Variants in IMMT observed in about 807,000 individuals in gnomAD.
IMMT encodes inner membrane mitochondrial protein, also known as MICOS complex subunit MIC60.
In IMMT, 40 loss-of-function variants were observed where a neutral mutation model predicts 92.7. The ratio of observed to expected loss-of-function variants is 0.43; its 90% CI spans 0.34 to 0.56. The LOEUF is 0.56. Among genes scored for constraint, IMMT ranks in the 20% least tolerant of loss-of-function variants. The probability of loss-of-function intolerance (pLI) is 0.03; values close to 1 mark genes in which losing one functional copy is unlikely to be tolerated. For missense variants in IMMT, 831 were observed against 912.1 expected, an observed-to-expected ratio of 0.91 and a Z score of 1.14; for synonymous variants, 322 against 336.1, an observed-to-expected ratio of 0.96 and a Z score of 0.46.
chr2:86,153,516 C>A (rs766888302), intron 11 of IMMT, 44 bp downstream of exon 11: 3 of 1,241,318 alleles, frequency 2.4e-6, no homozygotes, highest in African/African-American at 1.6e-5. Context: ...TCTCTTAATA[C>A]CCAAAACAAA....
chr2:86,185,226 T>C (rs946184202), intron 1 of IMMT, among the ~76,000 whole-genome samples: 1 of 151,606 alleles, frequency 6.6e-6, no homozygotes, highest in African/African-American at 2.4e-5. Context: ...CGCTAACTGG[T>C]TTCTTTTAGC....
intron 10 of IMMT, 178 bp downstream of exon 10, chr2:86,158,414 A>C (rs993361905): frequency 6.5e-6 from 3 of 459,766 alleles, no homozygotes; most frequent in Non-Finnish European, 4.0e-6. Flanking sequence ...TAAAACTACA[A>C]GAGTAGTGTT....
rs192939910 is a variant in IMMT, at chr2:86,146,521, T to C, written c.1534-324A>G. The stretch of plus-strand genomic sequence containing the variant: ...AAGTAGCTGGGATTACAGGCATGCA[T>C]CACCATGCCAATTATTGTATTTTTA... On this transcript the variant is annotated intron_variant, in intron 13 of 14. Transcript: ENST00000410111. Among the ~76,000 whole-genome samples the C allele has an allele frequency of 7.4e-4, 110 of 149,308 alleles. No homozygotes were observed. In the East Asian group the frequency reaches 0.018, roughly 24 times the overall value.
At chr2:86,169,247 G>T (rs1262563096) in intron 6 of IMMT, among the ~76,000 whole-genome samples, 1 of 152,084 alleles carries the variant, frequency 6.6e-6, no homozygotes, top group Non-Finnish European at 1.5e-5. Context: ...AAGTGATAAA[G>T]AGAGAAAAGT....
At chr2:86,150,616 G>A (rs1285840841) in intron 12 of IMMT, among the ~76,000 whole-genome samples, 6 of 152,178 alleles carry the variant, frequency 3.9e-5, no homozygotes, top group Non-Finnish European at 8.8e-5. Flanking sequence ...TATTTCACCT[G>A]TTTTTTAACC....
intron 7 of IMMT, among the ~76,000 whole-genome samples, chr2:86,162,508 T>TC (rs936018467): frequency 4.0e-5 from 6 of 151,550 alleles, no homozygotes; most frequent in Middle Eastern, 3.2e-3. Flanking sequence ...GTCAAAAACC[T>TC]CCCTTGAGGT....
intron 1 of IMMT, 53 bp downstream of exon 1, chr2:86,195,285 C>G: frequency 6.8e-7 from 1 of 1,464,490 alleles, no homozygotes. Flanking sequence ...CCGTTTTTCG[C>G]TGACGGTTCT....
rs942090972 is a variant in IMMT, at chr2:86,159,689, A to G, written c.897-18T>C. 5 of 1,529,718 alleles carry G rather than the reference A, an allele frequency of 3.3e-6. No individual in the cohort carries two copies. In the African/African-American group the frequency reaches 5.6e-5, roughly 17 times the overall value. 94.8% of individuals were successfully genotyped at this position (1,529,718 alleles called of 1,614,324 possible). A position where few individuals can be genotyped will look rare whatever the true frequency, so the allele number is the denominator to read the frequency against. On this transcript the variant is annotated intron_variant, in intron 8 of 14. Coordinates refer to ENST00000410111, the MANE Select transcript of IMMT (RefSeq NM_006839.3). Reference sequence around the variant, plus strand: ...ACTCTTCTCTGGAAACCAACAAAACAAAGATTTAATATAACTTCTTGTCAA... The same window carrying G: ...ACTCTTCTCTGGAAACCAACAAAACGAAGATTTAATATAACTTCTTGTCAA...
intron 7 of IMMT, among the ~76,000 whole-genome samples, chr2:86,166,248 T>C (rs1241540159): frequency 6.6e-6 from 1 of 152,090 alleles, no homozygotes; most frequent in Non-Finnish European, 1.5e-5. Flanking sequence ...GGAGAATCGC[T>C]TGAACCTGGG....
rs774889817 is a variant in IMMT at position 86,168,139 on chromosome 2, G to A, written c.656-1495C>T. Among the ~76,000 whole-genome samples, 39 of 152,324 alleles carry A rather than the reference G, an allele frequency of 2.6e-4. 1 individual carries two copies. Among genetic ancestry groups the A allele is most frequent in the Admixed American group, 7.2e-4 (11 of 15,296 alleles). On this transcript the variant is annotated intron_variant, in intron 6 of 14. Coordinates refer to ENST00000410111, the MANE Select transcript of IMMT (RefSeq NM_006839.3). The stretch of plus-strand genomic sequence containing the variant: ...ACCCAAAGGCAACTTGAAATGGACA[G>A]TGTTCTTCCATAAAAGGACTCAAGA...
chr2:86,195,113 C>A lies in IMMT; in HGVS notation c.45+225G>T, dbSNP rs1673443419. 9 of 453,138 alleles carry A rather than the reference C, an allele frequency of 2.0e-5. No individual in the cohort carries two copies. The South Asian group carries it at 4.7e-4, about 23-fold the overall frequency. The allele number at this position is 453,138 out of a possible 1,614,324, so 28.1% of individuals were successfully genotyped here. ...CTACATGCCCACGAAGCCGCGCCTC[C>A]CGCTACTCTCCACACCCCACCCCGC... On this transcript the variant is annotated intron_variant, in intron 1 of 14. Transcript: ENST00000410111.
chr2:86,174,545 T>A (rs938599939), intron 3 of IMMT, among the ~76,000 whole-genome samples: 10 of 152,218 alleles, frequency 6.6e-5, no homozygotes. Flanking sequence ...AATGCCAAGA[T>A]ATATCAGTGG....
chr2:86,172,890 A>G lies in IMMT; in HGVS notation c.421+760T>C, dbSNP rs139410656. On this transcript the variant is annotated intron_variant, in intron 4 of 14. Coordinates refer to ENST00000410111, the MANE Select transcript of IMMT (RefSeq NM_006839.3). ...ACCCCTTCCAGGTAAGGTATTCCTT[A>G]CACATTCCATTTAAAACTGCAGTAT... Among the ~76,000 whole-genome samples the G allele has an allele frequency of 9.3e-4, 142 of 152,232 alleles. 1 individual carries two copies. The highest frequency in any genetic ancestry group is 3.0e-3 in the African/African-American group (125 of 41,536).
chr2:86,195,454 T>TGCGTGTGTGCGTGCCC lies in IMMT; in HGVS notation c.-73_-72insGGGCACGCACACACGC. Reference sequence around the variant, plus strand: ...GGCGCGAGTTAAGTGGAGGCGTGCTTGCGTGTGTGCGTGCCCGCGTCCGCG... The same window carrying TGCGTGTGTGCGTGCCC: ...GGCGCGAGTTAAGTGGAGGCGTGCTTGCGTGTGTGCGTGCCCGCGTGTGTGCGTGCCCGCGTCCGCG... On this transcript the variant is annotated 5_prime_UTR_variant, in exon 1 of 15. Coordinates refer to ENST00000410111, the MANE Select transcript of IMMT (RefSeq NM_006839.3). The TGCGTGTGTGCGTGCCC allele has an allele frequency of 6.8e-7, 1 of 1,474,148 alleles. No individual in the cohort carries two copies. The highest frequency in any genetic ancestry group is 1.3e-5 in the South Asian group (1 of 77,736). The allele number at this position is 1,474,148 out of a possible 1,614,324, so 91.3% of individuals were successfully genotyped here.
At chr2:86,187,366 T>C (rs1047873516) in intron 1 of IMMT, among the ~76,000 whole-genome samples, 3 of 152,264 alleles carry the variant, frequency 2.0e-5, no homozygotes, top group African/African-American at 7.2e-5. Flanking sequence ...TCATTCACAT[T>C]GTAACATGTA....
intron 4 of IMMT, among the ~76,000 whole-genome samples, chr2:86,172,843 C>T (rs1269404313): frequency 2.0e-5 from 3 of 152,282 alleles, no homozygotes; most frequent in Middle Eastern, 3.4e-3. Context: ...CCCCTTATCT[C>T]TTTCTAATCT....
At chr2:86,189,859 A>G (rs1296420906) in intron 1 of IMMT, among the ~76,000 whole-genome samples, 1 of 152,250 alleles carries the variant, frequency 6.6e-6, no homozygotes, top group Non-Finnish European at 1.5e-5. Flanking sequence ...AAAAAAATCC[A>G]GTAAGTTTTT....
chr2:86,185,542 A>G (rs927630688), intron 1 of IMMT, among the ~76,000 whole-genome samples: 1 of 152,172 alleles, frequency 6.6e-6, no homozygotes, highest in Non-Finnish European at 1.5e-5. Context: ...ATTCTATTGA[A>G]TCAATAAGGT....
At chr2:86,159,419 A>G (rs1018188538) in intron 9 of IMMT, 117 bp downstream of exon 9, 2 of 907,282 alleles carry the variant, frequency 2.2e-6, no homozygotes, top group African/African-American at 1.6e-5. Flanking sequence ...CAACGAATAC[A>G]CTTTGCAGGA....
Sources: gnomAD v4.1 joint callset for allele counts (sites outside exome capture counted in the v4.1 genomes callset) on GRCh38, gnomAD v4.1.1 for gene constraint, MANE v1.5 for transcripts, NCBI Gene and HGNC (gene_info 2026-07-23, HGNC 2026-07-21) for gene names.